The following ITIH4 variants were observed in gnomAD, a reference collection of about 807,000 sequenced individuals.
ITIH4 encodes the protein inter-alpha-trypsin inhibitor heavy chain 4.
Under a neutral mutation model 111.8 loss-of-function variants are expected in ITIH4, and 79 were observed. The ratio of observed to expected loss-of-function variants is 0.71; its 90% CI spans 0.59 to 0.85. The LOEUF (loss-of-function observed/expected upper bound fraction) is 0.85, where lower values mean the gene tolerates loss of function less well. Among genes scored for constraint, ITIH4 ranks in the 40% least tolerant of loss-of-function variants. ITIH4 has a pLI of 0.00. For missense variants in ITIH4, 1,065 were observed against 1,195.8 expected, an observed-to-expected ratio of 0.89 and a Z score of 1.61; for synonymous variants, 472 against 468.3, an observed-to-expected ratio of 1.01 and a Z score of -0.10.
chr3:52,820,705 G>A lies in ITIH4; in HGVS notation c.1760C>T (p.Pro587Leu), dbSNP rs749478652. ...TTTGGTGACTACCATAGATGTGAGAGGCGTGACAAAGCTGTAGGCAAGTGA... is the reference window on the plus strand; with the variant it reads ...TTTGGTGACTACCATAGATGTGAGAAGCGTGACAAAGCTGTAGGCAAGTGA... ...NLSLAYSFVT[P>L]LTSMVVTKPD... Residue 587 changes from proline (P) to leucine (L), a missense_variant, in exon 13 of 24, where the codon CCT becomes CTT. Physicochemically the swap from Pro to Leu is moderately conservative, Grantham distance 98. Coordinates refer to ENST00000266041, the MANE Select transcript of ITIH4 (RefSeq NM_002218.5). The A allele has an allele frequency of 2.5e-6, 4 of 1,614,156 alleles. No homozygotes were observed. Among genetic ancestry groups the A allele is most frequent in the Admixed American group, 1.7e-5 (1 of 60,012 alleles).
chr3:52,830,266 A>AAATCATTC (rs1251510481), intron 1 of ITIH4: 10 of 475,622 alleles, frequency 2.1e-5, no homozygotes, highest in African/African-American at 3.9e-5. Flanking sequence ...TAGTCAGCAT[A>AAATCATTC]AATCATTCTC....
chr3:52,824,659 T>A lies in ITIH4; in HGVS notation c.877-94A>T. 7.2e-7 allele frequency: 1 copy of A among 1,395,472 alleles called. No homozygotes were observed. The highest frequency in any genetic ancestry group is 2.3e-5 in the East Asian group (1 of 43,448). 86.4% of individuals were successfully genotyped at this position (1,395,472 alleles called of 1,614,324 possible). ...CATCCTTGGACTCCTGTCTCAGGGG[T>A]GAGGTCATGGTATCTGCTCTAGGAA... On this transcript the variant is annotated intron_variant, in intron 7 of 23. Coordinates refer to ENST00000266041, the MANE Select transcript of ITIH4 (RefSeq NM_002218.5). This position sits in a 1 kb window ranked among gnomAD's most constrained non-coding sequence, Gnocchi z 4.3.
rs1006562619 is a variant in ITIH4, at chr3:52,813,414, A to T, written c.*7T>A. 2 of 1,613,816 alleles carry T rather than the reference A, an allele frequency of 1.2e-6. No homozygotes were observed. The highest frequency in any genetic ancestry group is 2.7e-5 in the African/African-American group (2 of 74,894). On this transcript the variant is annotated 3_prime_UTR_variant, in exon 24 of 24. Transcript: ENST00000266041. ...GTACAGGGTGGGCACAGCTCCTTCC[A>T]TCAGAACTACAGCTCCACAGACCAG... is the stretch of plus-strand genomic sequence containing the variant.
intron 14 of ITIH4, 106 bp from the exon 15 acceptor site, chr3:52,820,096 C>A: frequency 1.5e-6 from 2 of 1,346,324 alleles, no homozygotes; most frequent in South Asian, 1.2e-5. Context: ...TGAGGCACAG[C>A]CAATATTTGA....
At chr3:52,830,498 T>C (rs1048813012) in intron 1 of ITIH4, 55 bp downstream of exon 1, 19 of 1,528,774 alleles carry the variant, frequency 1.2e-5, no homozygotes, top group Non-Finnish European at 1.7e-5. Flanking sequence ...TCTTCCCCAC[T>C]TCCCAGGCGT....
chr3:52,823,652 G>A lies in ITIH4; in HGVS notation c.1443C>T (p.Asn481=). The part of the protein sequence containing the change: ...SNAVEEVTQN[N]FRLLFKGSEM... Reference sequence around the variant, plus strand: ...CTGAGCCCTTGAAGAGGAGCCGGAAGTTGTTCTGAGTGACCTCCTCCACGG... The same window carrying A: ...CTGAGCCCTTGAAGAGGAGCCGGAAATTGTTCTGAGTGACCTCCTCCACGG... The change falls in exon 11 of 24, where the codon AAC becomes AAT. Residue 481 remains asparagine (N), a synonymous_variant. Coordinates refer to ENST00000266041, the MANE Select transcript of ITIH4 (RefSeq NM_002218.5). 6.2e-7 allele frequency: 1 copy of A among 1,614,212 alleles called. No homozygotes were observed. Among genetic ancestry groups the A allele is most frequent in the Non-Finnish European group, 8.5e-7 (1 of 1,180,032 alleles).
At chr3:52,827,300 A>G (rs1700499504) in intron 2 of ITIH4, 103 bp from the exon 3 acceptor site, 1 of 891,808 alleles carries the variant, frequency 1.1e-6, no homozygotes, top group Non-Finnish European at 1.9e-6. Context: ...GCCTCTTGAC[A>G]CAGTGACTCC....
chr3:52,816,073 C>T (rs976399154), intron 21 of ITIH4, among the ~76,000 whole-genome samples: 5 of 152,206 alleles, frequency 3.3e-5, no homozygotes, highest in South Asian at 2.1e-4. Flanking sequence ...AGGGAGTTCC[C>T]GCAGAGGGCT....
rs1700220922 is a variant in ITIH4, at chr3:52,813,179, T to C, written c.*242A>G. ...AGCATGGGCCTTCCTGGCCATGGGC[T>C]CTTGAGAGCTGACAGTGGAAGCTTC... On this transcript the variant is annotated 3_prime_UTR_variant, in exon 24 of 24. Coordinates refer to ENST00000266041, the MANE Select transcript of ITIH4 (RefSeq NM_002218.5). 2 of 510,104 alleles carry C rather than the reference T, an allele frequency of 3.9e-6. No individual in the cohort carries two copies. The highest frequency in any genetic ancestry group is 7.0e-6 in the Non-Finnish European group (2 of 286,132). The allele number at this position is 510,104 out of a possible 1,614,324, so 31.6% of individuals were successfully genotyped here. A position where few individuals can be genotyped will look rare whatever the true frequency, so the allele number is the denominator to read the frequency against.
At chr3:52,820,268 C>T in intron 14 of ITIH4, 23 bp downstream of exon 14, 1 of 1,614,052 alleles carries the variant, frequency 6.2e-7, no homozygotes, top group Non-Finnish European at 8.5e-7. Context: ...CCAGCACAGC[C>T]TTTGAGGATG....
chr3:52,815,945 C>G (rs1041598992), intron 21 of ITIH4, among the ~76,000 whole-genome samples: 1 of 152,144 alleles, frequency 6.6e-6, no homozygotes, highest in African/African-American at 2.4e-5. Flanking sequence ...CTTGGCCTAC[C>G]AAAGTGCTGG....
rs998113286 is a variant in ITIH4, at chr3:52,827,316, T to C, written c.252-119A>G. 3.7e-6 allele frequency: 3 copies of C among 803,856 alleles called. No homozygotes were observed. In the African/African-American group the frequency reaches 5.0e-5, roughly 14 times the overall value. The allele number at this position is 803,856 out of a possible 1,614,324, so 49.8% of individuals were successfully genotyped here. A position where few individuals can be genotyped will look rare whatever the true frequency, so the allele number is the denominator to read the frequency against. ...CCTCTTGACACAGTGACTCCCATCT[T>C]TGCCTGAGCCCAGTGCCATTTATTA... On this transcript the variant is annotated intron_variant, in intron 2 of 23. Coordinates refer to ENST00000266041, the MANE Select transcript of ITIH4 (RefSeq NM_002218.5).
At chr3:52,816,441 T>C (rs566681246) in intron 21 of ITIH4, among the ~76,000 whole-genome samples, 1 of 152,244 alleles carries the variant, frequency 6.6e-6, no homozygotes, top group African/African-American at 2.4e-5. Context: ...CACGTCACTA[T>C]GTAGGCAGCG....
At position 52,829,128 on chromosome 3, in the gene ITIH4, T is replaced by C; in HGVS notation, c.242A>G (p.Asn81Ser). 3 of 1,606,764 alleles carry C rather than the reference T, an allele frequency of 1.9e-6. No individual in the cohort carries two copies. Among genetic ancestry groups the C allele is most frequent in the Non-Finnish European group, 2.6e-6 (3 of 1,174,366 alleles). ...MELPKKAFIT[N>S]FSMIIDGMTY... ...GTGGGAAGGCACCTACATGGAGAAG[T>C]TGGTGATGAAGGCTTTCTTGGGCAG... The change falls in exon 2 of 24, where the codon AAC becomes AGC. Residue 81 changes from asparagine to serine, a missense_variant. Coordinates refer to ENST00000266041, the MANE Select transcript of ITIH4 (RefSeq NM_002218.5).
At position 52,818,486 on chromosome 3, in the gene ITIH4, G is replaced by A. The variant is rs753800369; in HGVS notation, c.2128C>T (p.Arg710Cys). The change falls in exon 18 of 24, where the codon CGT (arginine) becomes TGT (cysteine). Residue 710 changes from arginine (R) to cysteine (C), a missense_variant. Transcript: ENST00000266041. ...CCTTCGATTTTCATATTCATGACAC[G>A]AGACACAGCTGGATCAGGATTTGAG... Reference protein sequence around the residue: ...ATSNPDPAVSRVMNMKIEETT... With the variant: ...ATSNPDPAVSCVMNMKIEETT... 2.9e-5 allele frequency: 47 copies of A among 1,605,500 alleles called. No individual in the cohort carries two copies. The highest frequency in any genetic ancestry group is 3.8e-5 in the Non-Finnish European group (45 of 1,175,856).
At chr3:52,822,765 C>T (rs1700408145) in intron 11 of ITIH4, among the ~76,000 whole-genome samples, 1 of 152,204 alleles carries the variant, frequency 6.6e-6, no homozygotes, top group Non-Finnish European at 1.5e-5. Context: ...ACGCCCACTC[C>T]TATTCTCTTC....
rs776536956 is a variant in ITIH4 at position 52,829,294 on chromosome 3, A to C, written c.91-15T>G. 1.9e-6 allele frequency: 3 copies of C among 1,593,986 alleles called. No homozygotes were observed. Among genetic ancestry groups the C allele is most frequent in the Non-Finnish European group, 2.6e-6 (3 of 1,164,242 alleles). On this transcript the variant is annotated splice_polypyrimidine_tract_variant and intron_variant, in intron 1 of 23. Transcript: ENST00000266041. ...TCGATGCCATTCTGGACCAGCAAAG[A>C]AGAAGGGGGTTGCAGGGTTTCAATG...
At position 52,828,584 on chromosome 3, in the gene ITIH4, A is replaced by G. The variant is rs116045694; in HGVS notation, c.251+535T>C. Among the ~76,000 whole-genome samples, 620 of 152,252 alleles carry G rather than the reference A, an allele frequency of 4.1e-3. 6 individuals carry two copies. The highest frequency in any genetic ancestry group is 0.015 in the African/African-American group (604 of 41,554). On this transcript the variant is annotated intron_variant, in intron 2 of 23. Coordinates refer to ENST00000266041, the MANE Select transcript of ITIH4 (RefSeq NM_002218.5). Reference sequence around the variant, plus strand: ...GAAACTGAGTTGGGAAGGGTAGGGGAGGGTGGCAGAGGACAAAGTGAGGAC... The same window carrying G: ...GAAACTGAGTTGGGAAGGGTAGGGGGGGGTGGCAGAGGACAAAGTGAGGAC...
chr3:52,827,497 C>A (rs1700503289), intron 2 of ITIH4, among the ~76,000 whole-genome samples: 1 of 152,248 alleles, frequency 6.6e-6, no homozygotes, highest in South Asian at 2.1e-4. Context: ...ATCCTGCCTT[C>A]TCTCCACCTG....
Sources: allele counts gnomAD v4.1 joint callset (sites outside exome capture counted in the v4.1 genomes callset), GRCh38; gene constraint gnomAD v4.1.1; non-coding constraint Gnocchi (gnomAD v3.1); transcripts MANE v1.5; gene names NCBI Gene and HGNC (gene_info 2026-07-23, HGNC 2026-07-21).